Variants in MEX3B observed in about 807,000 individuals in gnomAD.
The protein encoded by MEX3B is mex-3 RNA binding family member B.
Under a neutral mutation model 12.2 loss-of-function variants are expected in MEX3B, and 10 were observed. That is an observed-to-expected ratio of 0.82 (90% confidence interval 0.51 to 1.40). The LOEUF is 1.40. Among genes scored for constraint, MEX3B ranks in the 40% most tolerant of loss-of-function variants. MEX3B has a pLI of 0.00. For synonymous variants in MEX3B, 498 were observed against 356.3 expected (o/e 1.40, Z -4.48); for missense variants, 839 against 801.4 (o/e 1.05, Z -0.57).
At position 82,044,061 on chromosome 15, in the gene MEX3B, G is replaced by A. The variant is rs747243722; in HGVS notation, c.809C>T (p.Pro270Leu). 12 of 1,609,012 alleles carry A rather than the reference G, an allele frequency of 7.5e-6. 1 individual carries two copies. In the South Asian group the frequency reaches 1.1e-4, roughly 15 times the overall value. ...GCGGCCGGGGGTGGGCGTGATGCTG[G>A]GGGTGGGCTTGCTCCAGAGGCTGCC... is the stretch of plus-strand genomic sequence containing the variant. Reference protein sequence around the residue: ...GPGSLWSKPTPSITPTPGRKP... With the variant: ...GPGSLWSKPTLSITPTPGRKP... Residue 270 changes from proline to leucine, a missense_variant, in exon 2 of 2, where the codon CCC becomes CTC. Physicochemically the swap from Pro to Leu is moderately conservative, Grantham distance 98. Around this residue, in one of 3 missense-constraint regions of MEX3B, gnomAD observed 573 missense variants for 488.9 expected, o/e 1.17. Coordinates refer to ENST00000329713, the MANE Select transcript of MEX3B (RefSeq NM_032246.6). The surrounding 1 kb of genome is among the most constrained non-coding windows in gnomAD (Gnocchi z 5.3).
In MEX3B at chr15:82,042,057, A is replaced by T. The variant is rs2073223089; in HGVS notation, c.*1103T>A. 6.5e-6 allele frequency: 1 copy of T among 152,684 alleles called. No individual in the cohort carries two copies. Among genetic ancestry groups the T allele is most frequent in the African/African-American group, 2.4e-5 (1 of 41,470 alleles). The allele number at this position is 152,684 out of a possible 1,614,324, so 9.5% of individuals were successfully genotyped here. A position where few individuals can be genotyped will look rare whatever the true frequency, so the allele number is the denominator to read the frequency against. On this transcript the variant is annotated 3_prime_UTR_variant, in exon 2 of 2. Coordinates refer to ENST00000329713, the MANE Select transcript of MEX3B (RefSeq NM_032246.6). ...ACCTACATATACATAAACAAGTGGT[A>T]AACAAATGTATTAAAATAGAAATAC... is the stretch of plus-strand genomic sequence containing the variant.
chr15:82,043,929 C>A lies in MEX3B; in HGVS notation c.941G>T (p.Arg314Leu), dbSNP rs1379728979. The A allele has an allele frequency of 1.9e-6, 3 of 1,602,362 alleles. No homozygotes were observed. The highest frequency in any genetic ancestry group is 1.3e-5 in the African/African-American group (1 of 74,850). Residue 314 changes from arginine (R) to leucine (L), a missense_variant, in exon 2 of 2, where the codon CGC becomes CTC. By Grantham distance (102) the Arg-to-Leu change is moderately radical. Around this residue, in one of 3 missense-constraint regions of MEX3B, gnomAD observed 573 missense variants for 488.9 expected, o/e 1.17. Transcript: ENST00000329713. ...GCTAGGGGGGCTGTAGTCCGCCAGG[C>A]GCTGGGTAGCCGCTGCGCTGCTGCT... ...GTSSSAAATQ[R>L]LADYSPPSPA...
Position 82,043,282 on chromosome 15 carries a change from G to C in MEX3B, c.1588C>G (p.Leu530Val). The C allele has an allele frequency of 6.2e-7, 1 of 1,612,300 alleles. No individual in the cohort carries two copies. Among genetic ancestry groups the C allele is most frequent in the Non-Finnish European group, 8.5e-7 (1 of 1,179,046 alleles). ...AAGAGGTTGTGGCCACAGGGCACCA[G>C]CGCGGCAATCACTTCGCTCTCGAAG... ...VCFESEVIAA[L>V]VPCGHNLFCM... Residue 530 changes from leucine (L) to valine (V), a missense_variant, in exon 2 of 2, where the codon CTG becomes GTG. Physicochemically the swap from Leu to Val is conservative, Grantham distance 32. This residue lies in a region of MEX3B where 573 missense variants were observed against 488.9 expected (regional missense o/e 1.17). Transcript: ENST00000329713.
At position 82,044,519 on chromosome 15, in the gene MEX3B, C is replaced by T. The variant is rs1044280286; in HGVS notation, c.351G>A (p.Lys117=). The change falls in exon 2 of 2, where the codon AAG becomes AAA. Residue 117 remains lysine, a synonymous_variant. Coordinates refer to ENST00000329713, the MANE Select transcript of MEX3B (RefSeq NM_032246.6). This position sits in a 1 kb window ranked among gnomAD's most constrained non-coding sequence, Gnocchi z 5.3. ...EEPVFVVTGR[K]EDVAMARREI... ...CCCTCCGAGCCATGGCCACATCCTC[C>T]TTCCTGCCCGTCACAACAAAGACAG... The T allele has an allele frequency of 3.1e-6, 5 of 1,614,088 alleles. No individual in the cohort carries two copies. Among genetic ancestry groups the T allele is most frequent in the Admixed American group, 3.3e-5 (2 of 60,008 alleles).
rs567951753 is a variant in MEX3B at position 82,042,586 on chromosome 15, C to A, written c.*574G>T. The A allele has an allele frequency of 3.9e-5, 6 of 152,670 alleles. No individual in the cohort carries two copies. Among genetic ancestry groups the A allele is most frequent in the Admixed American group, 3.9e-4 (6 of 15,300 alleles). The allele number at this position is 152,670 out of a possible 1,614,324, so 9.5% of individuals were successfully genotyped here. ...ATATATAAGAGATATGTTACAGTTT[C>A]TTTAACTTTAATAAAGCTGCAGTAT... On this transcript the variant is annotated 3_prime_UTR_variant, in exon 2 of 2. Transcript: ENST00000329713.
Position 82,045,642 on chromosome 15 carries a change from T to TGCTGCCGCCGCC in MEX3B, c.52_63dup (p.Gly18_Ser21dup). Reference sequence around the variant, plus strand: ...TCATCCAGGGTCTCTCCCCCTCCGCTGCTGCCGCCGCCGCCGCCGCCGCTG... The same window carrying TGCTGCCGCCGCC: ...TCATCCAGGGTCTCTCCCCCTCCGCTGCTGCCGCCGCCGCTGCCGCCGCCGCCGCCGCCGCTG... On this transcript the variant is annotated inframe_insertion, in exon 1 of 2. Coordinates refer to ENST00000329713, the MANE Select transcript of MEX3B (RefSeq NM_032246.6). The TGCTGCCGCCGCC allele has an allele frequency of 6.3e-7, 1 of 1,581,444 alleles. No homozygotes were observed. The highest frequency in any genetic ancestry group is 8.6e-7 in the Non-Finnish European group (1 of 1,168,430).
In MEX3B at chr15:82,044,408, C is replaced by T. The variant is rs769168868; in HGVS notation, c.462G>A (p.Pro154=). 2 of 1,610,988 alleles carry T rather than the reference C, an allele frequency of 1.2e-6. No homozygotes were observed. Among genetic ancestry groups the T allele is most frequent in the Admixed American group, 3.3e-5 (2 of 59,962 alleles). ...NTALNGAVPG[P]PNLPGQTTIQ... is the part of the protein sequence containing the mutation. ...TGGTGGTCTGCCCGGGCAGGTTGGG[C>T]GGCCCAGGCACCGCGCCGTTGAGTG... The change falls in exon 2 of 2, where the codon CCG becomes CCA. Residue 154 remains proline (P), a synonymous_variant. Transcript: ENST00000329713. This position sits in a 1 kb window ranked among gnomAD's most constrained non-coding sequence, Gnocchi z 5.3.
chr15:82,044,180 G>A lies in MEX3B; in HGVS notation c.690C>T (p.Gly230=), dbSNP rs1045541333. 1.9e-6 allele frequency: 3 copies of A among 1,613,870 alleles called. No individual in the cohort carries two copies. Among genetic ancestry groups the A allele is most frequent in the South Asian group, 2.2e-5 (2 of 91,094 alleles). ...TCTCGTCTGTGAGCTCAATGATGCC[G>A]CCGGTACGCAGAGCAATGTGCGCCT... The part of the protein sequence containing the change: ...EIEAHIALRT[G]GIIELTDEND... Residue 230 remains glycine (G), a synonymous_variant, in exon 2 of 2, where the codon GGC becomes GGT. Coordinates refer to ENST00000329713, the MANE Select transcript of MEX3B (RefSeq NM_032246.6). This position sits in a 1 kb window ranked among gnomAD's most constrained non-coding sequence, Gnocchi z 5.3.
At position 82,043,312 on chromosome 15, in the gene MEX3B, C is replaced by T. The variant is rs1219465048; in HGVS notation, c.1558G>A (p.Val520Met). 3 of 1,609,656 alleles carry T rather than the reference C, an allele frequency of 1.9e-6. No individual in the cohort carries two copies. Among genetic ancestry groups the T allele is most frequent in the Middle Eastern group, 1.7e-4 (1 of 6,060 alleles). The stretch of plus-strand genomic sequence containing the variant: ...GCAATCACTTCGCTCTCGAAGCACA[C>T]GGAGCAGTCGCGGCTGCCTTTACGC... ...LRRKGSRDCS[V>M]CFESEVIAAL... Residue 520 changes from valine to methionine, a missense_variant, in exon 2 of 2, where the codon GTG becomes ATG. Physicochemically the swap from Val to Met is conservative, Grantham distance 21. Transcript: ENST00000329713.
chr15:82,043,382 CGAAGAG>C lies in MEX3B; in HGVS notation c.1482_1487del (p.Ser507_Ser508del). 1 of 1,586,872 alleles carries C rather than the reference CGAAGAG, an allele frequency of 6.3e-7. No homozygotes were observed. The highest frequency in any genetic ancestry group is 1.2e-5 in the South Asian group (1 of 86,020). ...ATGAAGAGCTGGAGGAGGAGCTGGA[CGAAGAG>C]GAGGAGCCCGACGTGTCCGACGGCT... On this transcript the variant is annotated inframe_deletion, in exon 2 of 2. Transcript: ENST00000329713.
rs2073230160 is a variant in MEX3B, at chr15:82,043,111, G to A, written c.*49C>T. 2 of 1,428,922 alleles carry A rather than the reference G, an allele frequency of 1.4e-6. No homozygotes were observed. The highest frequency in any genetic ancestry group is 1.8e-6 in the Non-Finnish European group (2 of 1,091,804). 88.5% of individuals were successfully genotyped at this position (1,428,922 alleles called of 1,614,324 possible). On this transcript the variant is annotated 3_prime_UTR_variant, in exon 2 of 2. Transcript: ENST00000329713. ...AGCGCTGGGGAAAGAGGGTGGGGAG[G>A]GGTTCCCCCTTCCCCCAGCACGGTG... is the stretch of plus-strand genomic sequence containing the variant.
In MEX3B at chr15:82,043,089, G is replaced by T; in HGVS notation, c.*71C>A. 7.4e-7 allele frequency: 1 copy of T among 1,344,300 alleles called. No individual in the cohort carries two copies. The highest frequency in any genetic ancestry group is 9.6e-7 in the Non-Finnish European group (1 of 1,037,464). 83.3% of individuals were successfully genotyped at this position (1,344,300 alleles called of 1,614,324 possible). ...GGGGCACCCAGGGAGGCAGGCGAGC[G>T]CTGGGGAAAGAGGGTGGGGAGGGGT... On this transcript the variant is annotated 3_prime_UTR_variant, in exon 2 of 2. Coordinates refer to ENST00000329713, the MANE Select transcript of MEX3B (RefSeq NM_032246.6).
At chr15:82,045,425 A>AC in intron 1 of MEX3B, 25 bp downstream of exon 1, 3 of 763,702 alleles carry the variant, frequency 3.9e-6, no homozygotes, top group South Asian at 1.5e-5. Flanking sequence ...ACCCCCACCC[A>AC]CCTCCCCATC....
Position 82,043,096 on chromosome 15 carries a change from A to G in MEX3B, c.*64T>C. Reference sequence around the variant, plus strand: ...CCAGGGAGGCAGGCGAGCGCTGGGGAAAGAGGGTGGGGAGGGGTTCCCCCT... The same window carrying G: ...CCAGGGAGGCAGGCGAGCGCTGGGGGAAGAGGGTGGGGAGGGGTTCCCCCT... On this transcript the variant is annotated 3_prime_UTR_variant, in exon 2 of 2. Coordinates refer to ENST00000329713, the MANE Select transcript of MEX3B (RefSeq NM_032246.6). 2 of 1,376,346 alleles carry G rather than the reference A, an allele frequency of 1.5e-6. No individual in the cohort carries two copies. Among genetic ancestry groups the G allele is most frequent in the Non-Finnish European group, 1.9e-6 (2 of 1,059,940 alleles). 85.3% of individuals were successfully genotyped at this position (1,376,346 alleles called of 1,614,324 possible). A position where few individuals can be genotyped will look rare whatever the true frequency, so the allele number is the denominator to read the frequency against.
At position 82,043,669 on chromosome 15, in the gene MEX3B, A is replaced by G. The variant is rs748886266; in HGVS notation, c.1201T>C (p.Ser401Pro). 2.5e-6 allele frequency: 4 copies of G among 1,610,942 alleles called. No individual in the cohort carries two copies. The highest frequency in any genetic ancestry group is 1.7e-4 in the Middle Eastern group (1 of 6,048). ...PVSSSCSSSA[S>P]SSASSSSVVF... The stretch of plus-strand genomic sequence containing the variant: ...ACGGAGGAGGAAGAAGCAGACGAAG[A>G]TGCAGAAGAAGAGCAGGAAGAAGAT... The change falls in exon 2 of 2, where the codon TCT becomes CCT. Residue 401 changes from serine (S) to proline (P), a missense_variant. This residue lies in a region of MEX3B where 573 missense variants were observed against 488.9 expected (regional missense o/e 1.17). Transcript: ENST00000329713.
Position 82,045,824 on chromosome 15 carries a change from G to A in MEX3B, c.-119C>T, listed in dbSNP as rs2073255278. On this transcript the variant is annotated 5_prime_UTR_variant, in exon 1 of 2. Coordinates refer to ENST00000329713, the MANE Select transcript of MEX3B (RefSeq NM_032246.6). Reference sequence around the variant, plus strand: ...CGGGGAGGCCGGTCGCCTGCTGAGGGCTCCGTTGCTTCTTCCTCGGTGCTG... The same window carrying A: ...CGGGGAGGCCGGTCGCCTGCTGAGGACTCCGTTGCTTCTTCCTCGGTGCTG... 4.5e-6 allele frequency: 5 copies of A among 1,121,928 alleles called. No homozygotes were observed. Among genetic ancestry groups the A allele is most frequent in the Non-Finnish European group, 3.5e-6 (3 of 869,294 alleles). 69.5% of individuals were successfully genotyped at this position (1,121,928 alleles called of 1,614,324 possible). A position where few individuals can be genotyped will look rare whatever the true frequency, so the allele number is the denominator to read the frequency against.
At chr15:82,045,351 C>G in intron 1 of MEX3B, 99 bp downstream of exon 1, 2 of 1,418,382 alleles carry the variant, frequency 1.4e-6, no homozygotes, top group Non-Finnish European at 1.9e-6. Context: ...CAAGGCACCC[C>G]ACGCCGCGGA....
rs2073255993 is a variant in MEX3B, at chr15:82,045,904, CA to C, written c.-200del. On this transcript the variant is annotated 5_prime_UTR_variant, in exon 1 of 2. Transcript: ENST00000329713. ...ACCGGGCAGTGGCTGCAGGAGCCCC[CA>C]CCTGGGTCCCCACCCCAGACCTGCT... The C allele has an allele frequency of 2.0e-6, 1 of 507,658 alleles. No homozygotes were observed. The highest frequency in any genetic ancestry group is 3.1e-6 in the Non-Finnish European group (1 of 324,794). 31.4% of individuals were successfully genotyped at this position (507,658 alleles called of 1,614,324 possible). A position where few individuals can be genotyped will look rare whatever the true frequency, so the allele number is the denominator to read the frequency against.
In MEX3B at chr15:82,043,063, G is replaced by T. The variant is rs953327443; in HGVS notation, c.*97C>A. ...GGGGCCGGGAAGGAGAAGGGAGAGG[G>T]GGGGCACCCAGGGAGGCAGGCGAGC... is the stretch of plus-strand genomic sequence containing the variant. On this transcript the variant is annotated 3_prime_UTR_variant, in exon 2 of 2. Coordinates refer to ENST00000329713, the MANE Select transcript of MEX3B (RefSeq NM_032246.6). 6 of 1,132,836 alleles carry T rather than the reference G, an allele frequency of 5.3e-6. No individual in the cohort carries two copies. In the Admixed American group the frequency reaches 1.7e-4, roughly 32 times the overall value. The allele number at this position is 1,132,836 out of a possible 1,614,324, so 70.2% of individuals were successfully genotyped here.
Sources: allele counts gnomAD v4.1 joint callset, GRCh38; gene constraint gnomAD v4.1.1; regional missense constraint gnomAD v4.1.1; non-coding constraint Gnocchi (gnomAD v3.1); transcripts MANE v1.5; gene names NCBI Gene and HGNC (gene_info 2026-07-23, HGNC 2026-07-21).